Variants in LOC128092252 observed in about 807,000 individuals in gnomAD.
chr15:50,665,758 G>A, the LOC128092252 span, among the ~76,000 whole-genome samples: 1 of 152,148 alleles, frequency 6.6e-6, no homozygotes, highest in Non-Finnish European at 1.5e-5. Context: ...ACTTTGGGAG[G>A]CCGAGGTGGG....
the LOC128092252 span, among the ~76,000 whole-genome samples, chr15:50,665,623 T>C: frequency 6.6e-6 from 1 of 152,168 alleles, no homozygotes; most frequent in Non-Finnish European, 1.5e-5. Flanking sequence ...GAAAATTCTA[T>C]GCACTTGAAA....
chr15:50,681,791 G>A, the LOC128092252 span, among the ~76,000 whole-genome samples: 2 of 152,182 alleles, frequency 1.3e-5, no homozygotes, highest in Non-Finnish European at 2.9e-5. Flanking sequence ...AGTAAGAGGG[G>A]TAAACAGTGT....
chr15:50,672,779 G>T, the LOC128092252 span, among the ~76,000 whole-genome samples: 613 of 150,834 alleles, frequency 4.1e-3, 5 homozygotes, highest in African/African-American at 0.014. Context: ...GTGTGGTGGC[G>T]GATGCCTCTC....
chr15:50,677,374 G>A, the LOC128092252 span, among the ~76,000 whole-genome samples: 4,550 of 149,772 alleles, frequency 0.03, 251 homozygotes, highest in African/African-American at 0.11. Context: ...ATGAATTCTC[G>A]GGGAGCGAGG....
the LOC128092252 span, among the ~76,000 whole-genome samples, chr15:50,650,816 T>A: frequency 6.6e-6 from 1 of 152,154 alleles, no homozygotes; most frequent in Non-Finnish European, 1.5e-5. Context: ...CTATAGCAAG[T>A]CTAAAACTCG....
At chr15:50,676,634 G>C in the LOC128092252 span, among the ~76,000 whole-genome samples, 1 of 152,028 alleles carries the variant, frequency 6.6e-6, no homozygotes, top group East Asian at 1.9e-4. Flanking sequence ...GCAGAAACCA[G>C]ACGGAGTCTA....
chr15:50,668,176 G>A, the LOC128092252 span, among the ~76,000 whole-genome samples: 2 of 152,148 alleles, frequency 1.3e-5, no homozygotes, highest in Admixed American at 1.3e-4. Flanking sequence ...TTAAATGCAG[G>A]TTTCTGATAA....
chr15:50,658,641 A>AT, the LOC128092252 span, among the ~76,000 whole-genome samples: 4 of 152,124 alleles, frequency 2.6e-5, no homozygotes, highest in Non-Finnish European at 5.9e-5. Context: ...GTGAGAGTAT[A>AT]TATTTATATA....
chr15:50,669,698 T>C, the LOC128092252 span, among the ~76,000 whole-genome samples: 1 of 152,112 alleles, frequency 6.6e-6, no homozygotes, highest in African/African-American at 2.4e-5. Flanking sequence ...TCTAGTCTCA[T>C]CAGTTGTTTG....
chr15:50,668,775 T>A, the LOC128092252 span, among the ~76,000 whole-genome samples: 2 of 152,220 alleles, frequency 1.3e-5, no homozygotes, highest in Non-Finnish European at 2.9e-5. Flanking sequence ...CCCAAAGTGC[T>A]GGGATTACAG....
the LOC128092252 span, among the ~76,000 whole-genome samples, chr15:50,658,065 C>T: frequency 4.1e-5 from 6 of 147,666 alleles, no homozygotes; most frequent in African/African-American, 1.2e-4. Flanking sequence ...AGTCCAATGG[C>T]GCAATCTCAG....
At chr15:50,679,580 G>C in the LOC128092252 span, among the ~76,000 whole-genome samples, 8 of 126,842 alleles carry the variant, frequency 6.3e-5, no homozygotes, top group Non-Finnish European at 1.3e-4. Context: ...TTGTCACCCA[G>C]GCTGGGGTGC....
chr15:50,684,484 T>C, the LOC128092252 span, among the ~76,000 whole-genome samples: 23 of 151,648 alleles, frequency 1.5e-4, no homozygotes, highest in East Asian at 5.8e-4. Context: ...CCACTAAAAA[T>C]ACAAAAATTA....
chr15:50,649,141 A>G, the LOC128092252 span, among the ~76,000 whole-genome samples: 2 of 152,206 alleles, frequency 1.3e-5, no homozygotes, highest in Non-Finnish European at 2.9e-5. Context: ...GCATAGGCAT[A>G]TAACAGAAAT....
the LOC128092252 span, among the ~76,000 whole-genome samples, chr15:50,668,429 A>C: frequency 1.3e-5 from 2 of 152,194 alleles, no homozygotes; most frequent in African/African-American, 4.8e-5. Flanking sequence ...AATTTGGAGC[A>C]TATTTGTTTC....
At chr15:50,652,801 G>C in the LOC128092252 span, among the ~76,000 whole-genome samples, 4 of 152,026 alleles carry the variant, frequency 2.6e-5, no homozygotes, top group South Asian at 2.1e-4. Context: ...AGGAGTTCTA[G>C]ATCAGCTTGG....
At chr15:50,669,254 C>G in the LOC128092252 span, among the ~76,000 whole-genome samples, 1 of 151,920 alleles carries the variant, frequency 6.6e-6, no homozygotes, top group African/African-American at 2.4e-5. Flanking sequence ...CCAGCCTGGC[C>G]AAGACCTCAT....
chr15:50,649,283 T>A, the LOC128092252 span, among the ~76,000 whole-genome samples: 2 of 151,948 alleles, frequency 1.3e-5, no homozygotes, highest in South Asian at 4.1e-4. Flanking sequence ...CAAAAAATTT[T>A]AAAAAATTAG....
chr15:50,684,940 A>G, the LOC128092252 span, among the ~76,000 whole-genome samples: 3 of 152,224 alleles, frequency 2.0e-5, no homozygotes, highest in Non-Finnish European at 2.9e-5. Context: ...ATACTAAGCA[A>G]TTATTAATTT....
Sources: gnomAD v4.1 joint callset for allele counts (sites outside exome capture counted in the v4.1 genomes callset) on GRCh38, gnomAD v4.1.1 for gene constraint, MANE v1.5 for transcripts.